The following SGSM3 variants were observed in gnomAD, a reference collection of about 807,000 sequenced individuals.
SGSM3 encodes small G protein signaling modulator 3, also known as RUN and SH3 containing 3.
A neutral mutation model predicts 100.5 loss-of-function variants in SGSM3; 96 were observed. That is an observed-to-expected ratio of 0.96 (90% CI 0.81 to 1.13). The LOEUF (loss-of-function observed/expected upper bound fraction) is 1.13. SGSM3 is among the 50% of genes most tolerant of loss of function. The pLI is 0.00. For missense variants in SGSM3, 1,001 were observed against 1,015.8 expected (o/e 0.99, Z 0.20); for synonymous variants, 483 against 422.8 (o/e 1.14, Z -1.75).
At chr22:40,380,227 AT>A (rs1569142828) in intron 1 of SGSM3, among the ~76,000 whole-genome samples, 1 of 152,056 alleles carries the variant, frequency 6.6e-6, no homozygotes, top group Non-Finnish European at 1.5e-5. Context: ...CTGTGTGTGT[AT>A]TTGTATGTGT....
In SGSM3 at chr22:40,390,276, TAA is replaced by T. The variant is rs893850514; in HGVS notation, c.-111-10417_-111-10416del. 18 of 152,200 alleles carry T rather than the reference TAA, an allele frequency of 1.2e-4. 1 individual carries two copies. Among genetic ancestry groups the T allele is most frequent in the Admixed American group, 1.2e-3 (18 of 15,280 alleles). The allele number at this position is 152,200 out of a possible 1,614,324, so 9.4% of individuals were successfully genotyped here. A position where few individuals can be genotyped will look rare whatever the true frequency, so the allele number is the denominator to read the frequency against. ...AAAAAGGTACAGAACGAGTATGAAG[TAA>T]AAGTCTCCCTGCCACCTAGTTCCCC... is the stretch of plus-strand genomic sequence containing the variant. On this transcript the variant is annotated intron_variant, in intron 1 of 21. Coordinates refer to ENST00000248929, the MANE Select transcript of SGSM3 (RefSeq NM_015705.6).
chr22:40,387,196 T>C (rs2048611556), intron 1 of SGSM3: 1 of 398,610 alleles, frequency 2.5e-6, no homozygotes, highest in Non-Finnish European at 4.4e-6. Flanking sequence ...GCTTAACACA[T>C]ATTATTTTTC....
Position 40,408,828 on chromosome 22 carries a change from G to A in SGSM3, c.1888G>A (p.Glu630Lys). The part of the protein sequence containing the change: ...DEDGKVLTPE[E>K]LLYRAVQSVN... Reference sequence around the variant, plus strand: ...AGATGGCAAAGTCCTGACCCCGGAGGAGCTGCTCTACCGGGTAAGGGGGCC... The same window carrying A: ...AGATGGCAAAGTCCTGACCCCGGAGAAGCTGCTCTACCGGGTAAGGGGGCC... The change falls in exon 18 of 22, where the codon GAG (glutamate) becomes AAG (lysine). Residue 630 changes from glutamate (E) to lysine (K), a missense_variant. Transcript: ENST00000248929. The A allele has an allele frequency of 1.2e-6, 2 of 1,613,822 alleles. No homozygotes were observed. Among genetic ancestry groups the A allele is most frequent in the South Asian group, 1.1e-5 (1 of 91,080 alleles).
intron 1 of SGSM3, among the ~76,000 whole-genome samples, chr22:40,371,398 G>A (rs1045003333): frequency 1.3e-5 from 2 of 152,200 alleles, no homozygotes; most frequent in African/African-American, 4.8e-5. Flanking sequence ...GTGGGTTGAT[G>A]GCTCTTTTTT....
Position 40,408,613 on chromosome 22 carries a change from T to C in SGSM3, c.1783-14T>C. 1 of 1,613,718 alleles carries C rather than the reference T, an allele frequency of 6.2e-7. No individual in the cohort carries two copies. Among genetic ancestry groups the C allele is most frequent in the Non-Finnish European group, 8.5e-7 (1 of 1,179,918 alleles). On this transcript the variant is annotated splice_polypyrimidine_tract_variant and intron_variant, in intron 16 of 21. Coordinates refer to ENST00000248929, the MANE Select transcript of SGSM3 (RefSeq NM_015705.6). Reference sequence around the variant, plus strand: ...TTCCTGTCCCTGCACTCACACCGTGTGCTGTCCCCACAGGCTGCAGGCCGG... The same window carrying C: ...TTCCTGTCCCTGCACTCACACCGTGCGCTGTCCCCACAGGCTGCAGGCCGG...
intron 1 of SGSM3, among the ~76,000 whole-genome samples, chr22:40,382,561 G>T (rs1406812714): frequency 6.6e-6 from 1 of 152,132 alleles, no homozygotes; most frequent in Non-Finnish European, 1.5e-5. Flanking sequence ...AAGGGAACAA[G>T]GTGAAAATGC....
rs779436238 is a variant in SGSM3 at position 40,408,632 on chromosome 22, A to G, written c.1788A>G (p.Ala596=). The change falls in exon 17 of 22, where the codon GCA becomes GCG. Residue 596 remains alanine, a synonymous_variant. Coordinates refer to ENST00000248929, the MANE Select transcript of SGSM3 (RefSeq NM_015705.6). The stretch of plus-strand genomic sequence containing the variant: ...ACCGTGTGCTGTCCCCACAGGCTGC[A>G]GGCCGGGAGGTCGAGAGAGACTTTG... ...CHPWLFIEEA[A]GREVERDFAS... is the part of the protein sequence containing the mutation. 7 of 1,613,840 alleles carry G rather than the reference A, an allele frequency of 4.3e-6. No homozygotes were observed. Among genetic ancestry groups the G allele is most frequent in the African/African-American group, 4.0e-5 (3 of 74,934 alleles).
chr22:40,389,076 C>T (rs1054088576), intron 1 of SGSM3, among the ~76,000 whole-genome samples: 2 of 152,032 alleles, frequency 1.3e-5, no homozygotes, highest in African/African-American at 2.4e-5. Flanking sequence ...GAGAGTCATC[C>T]AGGAGTTCCA....
chr22:40,370,940 G>T (rs1360255528), intron 1 of SGSM3, among the ~76,000 whole-genome samples: 2 of 152,230 alleles, frequency 1.3e-5, no homozygotes, highest in African/African-American at 4.8e-5. Context: ...GCCCCTAGAC[G>T]GCCGAGGCCA....
In SGSM3 at chr22:40,403,884, G is replaced by A. The variant is rs558698877; in HGVS notation, c.158-363G>A. ...GGGCCATGGTCAGGGGTGGTGAGAC[G>A]TAAAGGAATCCTGTGGGTTTGCTGA... On this transcript the variant is annotated intron_variant, in intron 4 of 21. Coordinates refer to ENST00000248929, the MANE Select transcript of SGSM3 (RefSeq NM_015705.6). Among the ~76,000 whole-genome samples, 5 of 152,266 alleles carry A rather than the reference G, an allele frequency of 3.3e-5. No individual in the cohort carries two copies. In the South Asian group the frequency reaches 8.3e-4, roughly 25 times the overall value.
In SGSM3 at chr22:40,407,556, C is replaced by G. The variant is rs138590594; in HGVS notation, c.1512C>G (p.Asn504Lys). 3 of 1,603,888 alleles carry G rather than the reference C, an allele frequency of 1.9e-6. No homozygotes were observed. Among genetic ancestry groups the G allele is most frequent in the East Asian group, 2.2e-5 (1 of 44,870 alleles). Residue 504 changes from asparagine (N) to lysine (K), a missense_variant, in exon 13 of 22, where the codon AAC becomes AAG. Transcript: ENST00000248929. The surrounding 1 kb of genome is among the most constrained non-coding windows in gnomAD (Gnocchi z 4.7). ...ACGACGAGCTGGGCTTCCGCAAGAA[C>G]GACATCATCACAGTGCGTGGGGGCG... ...HDDDELGFRKNDIITIVSQKD... is the reference protein window; with the variant it reads ...HDDDELGFRKKDIITIVSQKD...
At chr22:40,406,055 G>A (rs375842532) in intron 8 of SGSM3, 23 bp from the exon 9 acceptor site, 16 of 1,607,098 alleles carry the variant, frequency 1.0e-5, no homozygotes, top group African/African-American at 4.0e-5. Context: ...CCTCCCCAGC[G>A]GCTTTGGCTC....
Position 40,406,483 on chromosome 22 carries a change from A to T in SGSM3, c.1006A>T (p.Thr336Ser). The change falls in exon 10 of 22, where the codon ACG becomes TCG. Residue 336 changes from threonine (T) to serine (S), a missense_variant. Thr to Ser is a moderately conservative substitution (Grantham distance 58). Transcript: ENST00000248929. Reference protein sequence around the residue: ...QSENSASIFNTLSDIPSQMED... With the variant: ...QSENSASIFNSLSDIPSQMED... ...AGAGAACTCGGCCTCCATCTTCAAC[A>T]CGCTATCGGATATCCCGTCGCAGAT... 6.2e-7 allele frequency: 1 copy of T among 1,606,368 alleles called. No individual in the cohort carries two copies. Among genetic ancestry groups the T allele is most frequent in the Non-Finnish European group, 8.5e-7 (1 of 1,175,262 alleles).
intron 1 of SGSM3, among the ~76,000 whole-genome samples, chr22:40,390,970 C>CAG (rs1426338820): frequency 2.0e-5 from 3 of 152,118 alleles, no homozygotes; most frequent in Non-Finnish European, 4.4e-5. Flanking sequence ...GGACATAGGA[C>CAG]AGATACACAT....
At chr22:40,370,719 C>T (rs2045226524) in intron 1 of SGSM3, 31 bp downstream of exon 1, 1 of 152,706 alleles carries the variant, frequency 6.5e-6, no homozygotes, top group Non-Finnish European at 1.5e-5. Flanking sequence ...AGCGGAGACC[C>T]ACCGGCGCCT....
At chr22:40,404,809 A>AGAAAGAATT (rs2051234121) in intron 6 of SGSM3, 145 bp downstream of exon 6, 1 of 677,586 alleles carries the variant, frequency 1.5e-6, no homozygotes, top group Non-Finnish European at 2.5e-6. Flanking sequence ...TGCAGGCCAA[A>AGAAAGAATT]GAAAGAATTG....
chr22:40,407,452 G>C lies in SGSM3; in HGVS notation c.1408G>C (p.Asp470His). 6.2e-7 allele frequency: 1 copy of C among 1,612,602 alleles called. No homozygotes were observed. The highest frequency in any genetic ancestry group is 2.2e-5 in the East Asian group (1 of 44,878). ...CTATAGCATGGAGAGCCACCAGCGG[G>C]ACCACGAGAACTACGTGGCGTGCTC... ...PDYSMESHQR[D>H]HENYVACSRS... Residue 470 changes from aspartate to histidine, a missense_variant, in exon 13 of 22, where the codon GAC becomes CAC. Physicochemically the swap from Asp to His is moderately conservative, Grantham distance 81 (BLOSUM62 -1). Coordinates refer to ENST00000248929, the MANE Select transcript of SGSM3 (RefSeq NM_015705.6). This position sits in a 1 kb window ranked among gnomAD's most constrained non-coding sequence, Gnocchi z 4.7.
intron 1 of SGSM3, chr22:40,388,362 A>C (rs901071150): frequency 6.6e-6 from 1 of 152,238 alleles, no homozygotes; most frequent in Non-Finnish European, 1.5e-5. Context: ...CTGTCTTTAC[A>C]TATTGCTGAG....
At chr22:40,401,776 C>T in intron 3 of SGSM3, 101 bp downstream of exon 3, 1 of 946,364 alleles carries the variant, frequency 1.1e-6, no homozygotes. Flanking sequence ...CCAACTCACA[C>T]AGGGTTATGA....
Sources: gnomAD v4.1 joint callset for allele counts (sites outside exome capture counted in the v4.1 genomes callset) on GRCh38, gnomAD v4.1.1 for gene constraint, Gnocchi (gnomAD v3.1) non-coding constraint, MANE v1.5 for transcripts, NCBI Gene and HGNC (gene_info 2026-07-23, HGNC 2026-07-21) for gene names.